Variants in PLCB1 observed in about 807,000 individuals in gnomAD.
PLCB1 encodes the protein phospholipase C beta 1.
PLCB1 carries 46 observed loss-of-function variants against 161.8 expected under a neutral mutation model. The observed-to-expected ratio is 0.28, with a 90% CI of 0.22 to 0.36. The LOEUF is 0.36. Ranked by LOEUF, PLCB1 falls within the 10% of genes least tolerant of loss-of-function variation. The pLI, the probability that PLCB1 is intolerant of heterozygous loss-of-function variation, is 1.00. For synonymous variants in PLCB1, 517 were observed against 503.7 expected (o/e 1.03, Z -0.35); for missense variants, 1,016 against 1,472.5 (o/e 0.69, Z 5.07).
chr20:8,272,816 A>T (rs1442596748), intron 2 of PLCB1, among the ~76,000 whole-genome samples: 1 of 152,128 alleles, frequency 6.6e-6, no homozygotes. Context: ...TGCTAAGTTA[A>T]ATGTAATTGC....
chr20:8,642,169 G>T (rs993246491), intron 4 of PLCB1, among the ~76,000 whole-genome samples: 4 of 151,806 alleles, frequency 2.6e-5, no homozygotes, highest in African/African-American at 9.7e-5. Context: ...ATGTATGATT[G>T]GCAATCATTT....
At chr20:8,388,117 A>G (rs1035340970) in intron 3 of PLCB1, among the ~76,000 whole-genome samples, 10 of 150,738 alleles carry the variant, frequency 6.6e-5, no homozygotes, top group African/African-American at 1.2e-4. Context: ...CAAATGATGA[A>G]TTTCCTTCTA....
intron 9 of PLCB1, among the ~76,000 whole-genome samples, chr20:8,673,084 C>A (rs980496678): frequency 6.6e-6 from 1 of 151,708 alleles, no homozygotes; most frequent in Non-Finnish European, 1.5e-5. Flanking sequence ...TGCACTCCAG[C>A]CTGGGCGACA....
At chr20:8,787,034 A>G (rs1474505384) in intron 27 of PLCB1, among the ~76,000 whole-genome samples, 1 of 152,206 alleles carries the variant, frequency 6.6e-6, no homozygotes, top group African/African-American at 2.4e-5. Context: ...TAGGCCTGAC[A>G]TATAGAAATT....
chr20:8,687,066 C>A (rs1990377585), intron 10 of PLCB1, among the ~76,000 whole-genome samples: 1 of 151,776 alleles, frequency 6.6e-6, no homozygotes, highest in African/African-American at 2.4e-5. Flanking sequence ...CACTCTGTTG[C>A]CCAGGCTGGA....
intron 3 of PLCB1, among the ~76,000 whole-genome samples, chr20:8,381,115 C>G (rs146108723): frequency 6.6e-6 from 1 of 152,248 alleles, no homozygotes; most frequent in East Asian, 1.9e-4. Flanking sequence ...GAGATATGCT[C>G]TATCAATGCC....
intron 2 of PLCB1, among the ~76,000 whole-genome samples, chr20:8,164,906 T>G (rs1200993449): frequency 6.6e-6 from 1 of 152,196 alleles, no homozygotes; most frequent in Non-Finnish European, 1.5e-5. Context: ...GATAGAGTGT[T>G]TGTCCCTTTG....
intron 2 of PLCB1, among the ~76,000 whole-genome samples, chr20:8,181,303 A>G (rs2051841862): frequency 6.6e-6 from 1 of 151,666 alleles, no homozygotes; most frequent in Admixed American, 6.6e-5. Flanking sequence ...AATGTATGTC[A>G]GAATTGTAAC....
intron 2 of PLCB1, among the ~76,000 whole-genome samples, chr20:8,162,173 G>C (rs751953266): frequency 5.9e-5 from 9 of 152,014 alleles, no homozygotes; most frequent in Non-Finnish European, 1.2e-4. Flanking sequence ...TTAGCTGTTT[G>C]TTTTATCGTT....
chr20:8,577,782 C>T (rs998166876), intron 3 of PLCB1, among the ~76,000 whole-genome samples: 2 of 152,098 alleles, frequency 1.3e-5, no homozygotes, highest in African/African-American at 4.8e-5. Flanking sequence ...CTTTATTTTT[C>T]TCCCCTTTCT....
At chr20:8,697,919 C>T in intron 11 of PLCB1, 136 bp downstream of exon 11, 1 of 715,170 alleles carries the variant, frequency 1.4e-6, no homozygotes, top group Non-Finnish European at 2.2e-6. Context: ...ATTTCAGAGG[C>T]TAAAATTTGG....
At chr20:8,137,971 T>C (rs1476153656) in intron 1 of PLCB1, among the ~76,000 whole-genome samples, 1 of 152,230 alleles carries the variant, frequency 6.6e-6, no homozygotes, top group African/African-American at 2.4e-5. Context: ...GATTGGGTTC[T>C]TGTCTGTCCC....
At chr20:8,683,976 T>C (rs1357349331) in intron 9 of PLCB1, among the ~76,000 whole-genome samples, 1 of 151,700 alleles carries the variant, frequency 6.6e-6, no homozygotes. Flanking sequence ...CTCCACCTCC[T>C]GGGTTCAAAC....
At chr20:8,571,947 AAC>A in intron 3 of PLCB1, among the ~76,000 whole-genome samples, 1 of 152,172 alleles carries the variant, frequency 6.6e-6, no homozygotes, top group African/African-American at 2.4e-5. Context: ...ACTAAAATAG[AAC>A]ACTTTTCTTT....
At chr20:8,402,088 TAATAA>T (rs937240754) in intron 3 of PLCB1, among the ~76,000 whole-genome samples, 1 of 152,220 alleles carries the variant, frequency 6.6e-6, no homozygotes, top group Non-Finnish European at 1.5e-5. Flanking sequence ...TTTAGACTAG[TAATAA>T]AATGTTTTAA....
intron 3 of PLCB1, among the ~76,000 whole-genome samples, chr20:8,521,954 T>C (rs1344460318): frequency 1.3e-5 from 2 of 152,204 alleles, no homozygotes; most frequent in Non-Finnish European, 2.9e-5. Flanking sequence ...TTTTCCATTG[T>C]AGCAAATGTG....
Position 8,155,919 on chromosome 20 carries a change from G to T in PLCB1, c.177+5548G>T, listed in dbSNP as rs143680778. 1.3e-3 allele frequency among the ~76,000 whole-genome samples: 192 copies of T among 152,308 alleles called. 1 individual carries two copies. Among genetic ancestry groups the T allele is most frequent in the African/African-American group, 4.4e-3 (185 of 41,578 alleles). ...GGATTGCTTTGTGAGGGCTGGGATT[G>T]TTCCTTGGCCTGGAGCAGTGTGTCA... On this transcript the variant is annotated intron_variant, in intron 2 of 31. Coordinates refer to ENST00000338037, the MANE Select transcript of PLCB1 (RefSeq NM_015192.4).
intron 1 of PLCB1, among the ~76,000 whole-genome samples, chr20:8,145,602 A>G (rs1305488706): frequency 6.6e-6 from 1 of 152,220 alleles, no homozygotes; most frequent in Non-Finnish European, 1.5e-5. Flanking sequence ...GCATATGTGG[A>G]TAAAACCATA....
intron 2 of PLCB1, among the ~76,000 whole-genome samples, chr20:8,313,272 C>T (rs1283584142): frequency 3.3e-5 from 5 of 152,144 alleles, no homozygotes; most frequent in African/African-American, 7.2e-5. Flanking sequence ...GCTCAGCTGG[C>T]AGTTCTTCTG....
Sources: allele counts gnomAD v4.1 joint callset (sites outside exome capture counted in the v4.1 genomes callset), GRCh38; gene constraint gnomAD v4.1.1; transcripts MANE v1.5; gene names NCBI Gene and HGNC (gene_info 2026-07-23, HGNC 2026-07-21).